The following CNTNAP2 variants were observed in gnomAD, a reference collection of about 807,000 sequenced individuals.
The protein encoded by CNTNAP2 is contactin associated protein 2.
CNTNAP2 carries 98 observed loss-of-function variants against 155.2 expected under a neutral mutation model. The observed-to-expected ratio is 0.63, with a 90% CI of 0.54 to 0.75. CNTNAP2 has a LOEUF of 0.75. CNTNAP2 is among the 30% of genes least tolerant of loss of function. The probability of loss-of-function intolerance (pLI) is 0.00; values close to 1 mark genes in which losing one functional copy is unlikely to be tolerated. For missense variants in CNTNAP2, 1,727 were observed against 1,688.1 expected (o/e 1.02, Z -0.40); for synonymous variants, 651 against 631.2 (o/e 1.03, Z -0.47).
At chr7:147,068,526 C>G (rs1272747075) in intron 4 of CNTNAP2, among the ~76,000 whole-genome samples, 1 of 151,930 alleles carries the variant, frequency 6.6e-6, no homozygotes, top group Non-Finnish European at 1.5e-5. Flanking sequence ...GCCAAGCTAA[C>G]TTTTGTATTT....
intron 8 of CNTNAP2, among the ~76,000 whole-genome samples, chr7:147,275,564 G>A (rs1804877238): frequency 6.6e-6 from 1 of 151,858 alleles, no homozygotes; most frequent in Non-Finnish European, 1.5e-5. Flanking sequence ...ATTTACCAAG[G>A]CTAGGGATCT....
chr7:146,339,947 G>A (rs1050937619), intron 1 of CNTNAP2, among the ~76,000 whole-genome samples: 1 of 152,016 alleles, frequency 6.6e-6, no homozygotes, highest in Admixed American at 6.6e-5. Context: ...GAGGCGGGCG[G>A]ATCACGAGGT....
At chr7:148,069,388 G>A (rs1354577797) in intron 15 of CNTNAP2, among the ~76,000 whole-genome samples, 3 of 152,096 alleles carry the variant, frequency 2.0e-5, no homozygotes, top group Admixed American at 1.3e-4. Context: ...GGAAAAGAAG[G>A]GTGAATGAAG....
intron 8 of CNTNAP2, among the ~76,000 whole-genome samples, chr7:147,238,558 T>C (rs968380831): frequency 1.3e-5 from 2 of 152,168 alleles, no homozygotes; most frequent in African/African-American, 4.8e-5. Context: ...TGTTTTTTTT[T>C]CACATCAGAA....
At chr7:147,394,514 T>A (rs905798970) in intron 9 of CNTNAP2, among the ~76,000 whole-genome samples, 25 of 152,072 alleles carry the variant, frequency 1.6e-4, no homozygotes, top group African/African-American at 5.3e-4. Flanking sequence ...GCAGACAAAT[T>A]AGTACAGTTT....
At chr7:146,673,003 T>G (rs1004660263) in intron 1 of CNTNAP2, among the ~76,000 whole-genome samples, 1 of 152,154 alleles carries the variant, frequency 6.6e-6, no homozygotes, top group Non-Finnish European at 1.5e-5. Flanking sequence ...TCAGCAATTT[T>G]TTTTCTTATC....
chr7:148,010,445 G>T (rs562304249), intron 15 of CNTNAP2, among the ~76,000 whole-genome samples: 59 of 151,702 alleles, frequency 3.9e-4, no homozygotes, highest in Non-Finnish European at 6.2e-4. Flanking sequence ...TGTGCTTCAT[G>T]CCTTTTTTCT....
chr7:147,290,235 CATT>C (rs1805273250), intron 8 of CNTNAP2, among the ~76,000 whole-genome samples: 1 of 152,130 alleles, frequency 6.6e-6, no homozygotes. Flanking sequence ...TGTTCAACAG[CATT>C]ATAACTTATG....
chr7:147,775,115 G>A (rs1183434447), intron 13 of CNTNAP2, among the ~76,000 whole-genome samples: 2 of 148,424 alleles, frequency 1.3e-5, no homozygotes, highest in African/African-American at 4.9e-5. Flanking sequence ...TAAGGGTGAT[G>A]GTCTTTTCAC....
intron 8 of CNTNAP2, among the ~76,000 whole-genome samples, chr7:147,275,188 G>C (rs1227354329): frequency 6.6e-6 from 1 of 151,534 alleles, no homozygotes; most frequent in East Asian, 1.9e-4. Flanking sequence ...TTTTCTTATT[G>C]TGTGAAAAAT....
chr7:146,708,342 T>G (rs1801002161), intron 1 of CNTNAP2, among the ~76,000 whole-genome samples: 1 of 152,036 alleles, frequency 6.6e-6, no homozygotes, highest in Admixed American at 6.6e-5. Flanking sequence ...GATCTCAACA[T>G]AATCAATAAG....
intron 12 of CNTNAP2, among the ~76,000 whole-genome samples, chr7:147,563,433 A>ATTCTG (rs1269036985): frequency 4.6e-5 from 7 of 152,168 alleles, no homozygotes; most frequent in Admixed American, 4.6e-4. Context: ...GGTCGAGACC[A>ATTCTG]TTCTGGCCAA....
chr7:148,182,109 T>A (rs2116705207), intron 18 of CNTNAP2, among the ~76,000 whole-genome samples: 1 of 152,226 alleles, frequency 6.6e-6, no homozygotes, highest in African/African-American at 2.4e-5. Flanking sequence ...GCTGAATTTT[T>A]TTTCCTGAGT....
At chr7:146,745,994 CTTCTCTAGCCTT>C (rs983901650) in intron 1 of CNTNAP2, among the ~76,000 whole-genome samples, 2 of 152,166 alleles carry the variant, frequency 1.3e-5, no homozygotes, top group African/African-American at 4.8e-5. Flanking sequence ...ATTACAATAT[CTTCTCTAGCCTT>C]TTGGCTGTGA....
chr7:147,784,060 A>G (rs1207380071), intron 13 of CNTNAP2, among the ~76,000 whole-genome samples: 1 of 151,978 alleles, frequency 6.6e-6, no homozygotes, highest in Non-Finnish European at 1.5e-5. Flanking sequence ...TTGTAGATGC[A>G]TCACTTCAAT....
intron 8 of CNTNAP2, among the ~76,000 whole-genome samples, chr7:147,277,468 C>T (rs927850079): frequency 6.6e-6 from 1 of 151,824 alleles, no homozygotes; most frequent in Non-Finnish European, 1.5e-5. Context: ...CATAATGAAA[C>T]ACCAAAATGA....
intron 17 of CNTNAP2, among the ~76,000 whole-genome samples, chr7:148,158,255 C>T (rs1373127725): frequency 1.1e-5 from 1 of 88,420 alleles, no homozygotes; most frequent in African/African-American, 6.4e-5. Context: ...ACAGAGTCTC[C>T]CTCTGTTACC....
intron 13 of CNTNAP2, among the ~76,000 whole-genome samples, chr7:147,891,207 A>AT (rs141774201): frequency 0.04 from 5,834 of 146,332 alleles, 359 homozygotes; most frequent in African/African-American, 0.14. Flanking sequence ...CAACAAATAG[A>AT]TTTTTTTTTT....
At chr7:148,117,161 T>C (rs1398081102) in intron 15 of CNTNAP2, among the ~76,000 whole-genome samples, 3 of 152,224 alleles carry the variant, frequency 2.0e-5, no homozygotes, top group Non-Finnish European at 4.4e-5. Context: ...CTGGAAACAC[T>C]GGCTGCTCTG....
Sources: gnomAD v4.1 joint callset for allele counts (sites outside exome capture counted in the v4.1 genomes callset) on GRCh38, gnomAD v4.1.1 for gene constraint, MANE v1.5 for transcripts, NCBI Gene and HGNC (gene_info 2026-07-23, HGNC 2026-07-21) for gene names.